SLC8A3: variants seen among roughly 807,000 people sequenced by gnomAD.
SLC8A3 encodes the protein solute carrier family 8 member A3.
SLC8A3 carries 37 observed loss-of-function variants against 65.4 expected under a neutral mutation model. The ratio of observed to expected loss-of-function variants is 0.57; its 90% confidence interval spans 0.44 to 0.74. SLC8A3 has a LOEUF of 0.74. Among genes scored for constraint, SLC8A3 ranks in the 30% least tolerant of loss-of-function variants. SLC8A3 has a pLI of 0.00. For missense variants in SLC8A3, 1,112 were observed against 1,172.1 expected (o/e 0.95, Z 0.75); for synonymous variants, 461 against 444.5 (o/e 1.04, Z -0.47).
At chr14:70,061,456 C>T (rs561743130) in intron 2 of SLC8A3, among the ~76,000 whole-genome samples, 2 of 151,992 alleles carry the variant, frequency 1.3e-5, no homozygotes, top group East Asian at 3.9e-4. Flanking sequence ...TCTATACTCA[C>T]TTCCATTGTG....
chr14:70,151,359 G>A (rs185140143), intron 2 of SLC8A3, among the ~76,000 whole-genome samples: 1 of 152,242 alleles, frequency 6.6e-6, no homozygotes, highest in Admixed American at 6.5e-5. Flanking sequence ...TAACAAAACA[G>A]ATTGGGGTAT....
intron 5 of SLC8A3, among the ~76,000 whole-genome samples, chr14:70,050,502 G>A (rs1400216764): frequency 1.3e-5 from 2 of 152,152 alleles, no homozygotes; most frequent in Non-Finnish European, 2.9e-5. Context: ...TCACTACTGA[G>A]GGAGCCTGTC....
At chr14:70,077,463 T>C (rs1429573868) in intron 2 of SLC8A3, among the ~76,000 whole-genome samples, 1 of 152,168 alleles carries the variant, frequency 6.6e-6, no homozygotes, top group East Asian at 1.9e-4. Flanking sequence ...TTCATTTCCA[T>C]GTTTCAATCC....
chr14:70,126,504 A>C (rs1216135489), intron 2 of SLC8A3, among the ~76,000 whole-genome samples: 1 of 151,034 alleles, frequency 6.6e-6, no homozygotes, highest in Non-Finnish European at 1.5e-5. Context: ...AGAAACCCAA[A>C]ATTTTGTCCT....
At chr14:70,115,457 CT>C (rs1460544081) in intron 2 of SLC8A3, among the ~76,000 whole-genome samples, 4 of 152,172 alleles carry the variant, frequency 2.6e-5, no homozygotes, top group Non-Finnish European at 5.9e-5. Context: ...TCGGTTTTCC[CT>C]TCTGGAATAA....
chr14:70,110,925 C>T (rs1315560007), intron 2 of SLC8A3, among the ~76,000 whole-genome samples: 1 of 152,166 alleles, frequency 6.6e-6, no homozygotes, highest in Non-Finnish European at 1.5e-5. Flanking sequence ...CATGATCTGC[C>T]TGCCTCGGCC....
At chr14:70,086,089 T>G (rs1164225429) in intron 2 of SLC8A3, among the ~76,000 whole-genome samples, 2 of 152,200 alleles carry the variant, frequency 1.3e-5, no homozygotes, top group African/African-American at 4.8e-5. Context: ...CCTCCGAGTC[T>G]CTCTCTGGCT....
intron 1 of SLC8A3, among the ~76,000 whole-genome samples, chr14:70,174,320 C>T (rs1035833400): frequency 2.4e-4 from 36 of 152,328 alleles, no homozygotes; most frequent in African/African-American, 7.9e-4. Flanking sequence ...TTTCCAGCCT[C>T]GCCTCAATGA....
intron 2 of SLC8A3, among the ~76,000 whole-genome samples, chr14:70,105,451 A>G (rs1892807613): frequency 6.6e-6 from 1 of 152,258 alleles, no homozygotes; most frequent in Non-Finnish European, 1.5e-5. Flanking sequence ...AGGCTAATAT[A>G]GGAATATTAT....
intron 1 of SLC8A3, among the ~76,000 whole-genome samples, chr14:70,185,005 C>T (rs1378849530): frequency 2.2e-5 from 3 of 135,938 alleles, no homozygotes; most frequent in Non-Finnish European, 4.6e-5. Flanking sequence ...CTTGCTCTGT[C>T]GCCCAAGCTG....
intron 2 of SLC8A3, among the ~76,000 whole-genome samples, chr14:70,068,514 G>T (rs1031406153): frequency 1.3e-5 from 2 of 151,872 alleles, no homozygotes; most frequent in Non-Finnish European, 2.9e-5. Context: ...AGTAGCTGGG[G>T]CCACGGGTGC....
chr14:70,109,696 T>C (rs1361434152), intron 2 of SLC8A3, among the ~76,000 whole-genome samples: 1 of 152,118 alleles, frequency 6.6e-6, no homozygotes, highest in East Asian at 1.9e-4. Context: ...CCTGAGGTGA[T>C]CTGCCTGCCT....
At chr14:70,130,297 T>C (rs1894735463) in intron 2 of SLC8A3, among the ~76,000 whole-genome samples, 1 of 152,230 alleles carries the variant, frequency 6.6e-6, no homozygotes, top group Non-Finnish European at 1.5e-5. Flanking sequence ...TCACCTGACG[T>C]TCACCTGCTG....
chr14:70,048,663 T>C (rs1887075657), intron 6 of SLC8A3, 104 bp downstream of exon 6: 2 of 1,015,110 alleles, frequency 2.0e-6, no homozygotes, highest in Non-Finnish European at 3.0e-6. Flanking sequence ...GAGGCTCTGT[T>C]AAGTTCAGAT....
intron 1 of SLC8A3, 150 bp downstream of exon 1, chr14:70,188,229 G>C (rs1001189367): frequency 2.0e-5 from 3 of 152,510 alleles, no homozygotes; most frequent in African/African-American, 7.2e-5. Context: ...ACAGGAAGGC[G>C]GTTCATATGA....
Position 70,167,103 on chromosome 14 carries a change from G to A in SLC8A3, c.1320C>T (p.Ala440=), listed in dbSNP as rs1449074385. The change falls in exon 2 of 7, where the codon GCC becomes GCT. Residue 440 remains alanine (A), a synonymous_variant. Transcript: ENST00000356921. The part of the protein sequence containing the change: ...YVDYKTEDGS[A]NAGADYEFTE... ...TGAACTCATAGTCAGCCCCTGCATT[G>A]GCAGAACCATCCTCTGTTTTGTAGT... The A allele has an allele frequency of 3.7e-6, 6 of 1,614,018 alleles. No homozygotes were observed. Among genetic ancestry groups the A allele is most frequent in the African/African-American group, 1.3e-5 (1 of 75,020 alleles).
chr14:70,152,029 A>G (rs1461259052), intron 2 of SLC8A3, among the ~76,000 whole-genome samples: 2 of 152,174 alleles, frequency 1.3e-5, no homozygotes, highest in Non-Finnish European at 2.9e-5. Flanking sequence ...GAGGAAGGAC[A>G]CTATTCAACC....
At chr14:70,091,631 C>T (rs190910286) in intron 2 of SLC8A3, among the ~76,000 whole-genome samples, 2 of 152,174 alleles carry the variant, frequency 1.3e-5, no homozygotes, top group Non-Finnish European at 2.9e-5. Flanking sequence ...TGAATCCTAA[C>T]AGGGAAGCTT....
chr14:70,132,034 C>T (rs530615582), intron 2 of SLC8A3, among the ~76,000 whole-genome samples: 3 of 152,346 alleles, frequency 2.0e-5, no homozygotes, highest in African/African-American at 7.2e-5. Context: ...AAGCAAGAAC[C>T]TGCAGACCAG....
Sources: allele counts gnomAD v4.1 joint callset (sites outside exome capture counted in the v4.1 genomes callset), GRCh38; gene constraint gnomAD v4.1.1; transcripts MANE v1.5; gene names NCBI Gene and HGNC (gene_info 2026-07-23, HGNC 2026-07-21).